The following WDPCP variants were observed in gnomAD, a reference collection of about 807,000 sequenced individuals.
WDPCP encodes the protein WD repeat containing planar cell polarity effector, also known as WD repeat-containing and planar cell polarity effector protein fritz homolog.
In WDPCP, 71 loss-of-function variants were observed where a neutral mutation model predicts 93.1. The observed-to-expected ratio is 0.76, with a 90% confidence interval of 0.63 to 0.93. WDPCP has a LOEUF of 0.93. Among genes scored for constraint, WDPCP ranks in the 40% least tolerant of loss-of-function variants. The pLI, the probability that WDPCP is intolerant of heterozygous loss-of-function variation, is 0.00. For missense variants in WDPCP, 844 were observed against 887.4 expected, an observed-to-expected ratio of 0.95 and a Z score of 0.62; for synonymous variants, 315 against 315.0, an observed-to-expected ratio of 1.00 and a Z score of 0.00.
rs1204028940 is a variant in WDPCP at position 63,289,874 on chromosome 2, T to C, written c.1812+23374A>G. Among the ~76,000 whole-genome samples the C allele has an allele frequency of 2.6e-5, 4 of 152,148 alleles. No homozygotes were observed. In the East Asian group the frequency reaches 7.7e-4, roughly 29 times the overall value. Reference sequence around the variant, plus strand: ...CTCTTATCTCTGGTGATACTTTCTTTGTTTTTGAAGTCACTTTGTCTTATA... The same window carrying C: ...CTCTTATCTCTGGTGATACTTTCTTCGTTTTTGAAGTCACTTTGTCTTATA... On this transcript the variant is annotated intron_variant, in intron 13 of 17. Transcript: ENST00000272321.
At chr2:63,512,974 T>C (rs1702332164) in intron 1 of WDPCP, among the ~76,000 whole-genome samples, 1 of 151,734 alleles carries the variant, frequency 6.6e-6, no homozygotes, top group Non-Finnish European at 1.5e-5. Context: ...AGAATAATGA[T>C]GAAAGGAAAT....
intron 2 of WDPCP, among the ~76,000 whole-genome samples, chr2:63,745,838 C>G (rs1669787867): frequency 6.6e-6 from 1 of 152,140 alleles, no homozygotes; most frequent in Non-Finnish European, 1.5e-5. Flanking sequence ...TGAAGTACTG[C>G]CAAACTGTTT....
intron 2 of WDPCP, among the ~76,000 whole-genome samples, chr2:63,676,299 A>C (rs1163081948): frequency 6.6e-6 from 1 of 152,218 alleles, no homozygotes; most frequent in Non-Finnish European, 1.5e-5. Flanking sequence ...ATCTAAGTGC[A>C]TGAGAAGTTG....
chr2:63,584,675 A>G (rs901343547), intron 1 of WDPCP, among the ~76,000 whole-genome samples: 4 of 152,162 alleles, frequency 2.6e-5, no homozygotes, highest in African/African-American at 9.7e-5. Context: ...CTTGATTTAA[A>G]TGGGTATGTA....
At chr2:63,470,306 C>T (rs904527414) in intron 6 of WDPCP, among the ~76,000 whole-genome samples, 4 of 152,208 alleles carry the variant, frequency 2.6e-5, no homozygotes, top group African/African-American at 9.6e-5. Context: ...AATCAACAAT[C>T]TATTTGACTT....
At chr2:63,760,792 A>G (rs1446605325) in intron 2 of WDPCP, among the ~76,000 whole-genome samples, 1 of 152,148 alleles carries the variant, frequency 6.6e-6, no homozygotes, top group Non-Finnish European at 1.5e-5. Context: ...CCTCTGTGTG[A>G]CAGTCCCTAA....
intron 2 of WDPCP, among the ~76,000 whole-genome samples, chr2:63,708,684 T>G (rs912179997): frequency 5.9e-5 from 9 of 152,082 alleles, no homozygotes; most frequent in Non-Finnish European, 1.0e-4. Context: ...GTACCTCAGT[T>G]GGAAATGCAG....
chr2:63,349,317 A>G (rs1558503008), intron 12 of WDPCP, among the ~76,000 whole-genome samples: 1 of 152,100 alleles, frequency 6.6e-6, no homozygotes, highest in Non-Finnish European at 1.5e-5. Context: ...TCTTAGTTTA[A>G]ATGTATAGAA....
intron 2 of WDPCP, among the ~76,000 whole-genome samples, chr2:63,805,451 G>A (rs774236760): frequency 2.0e-5 from 3 of 152,130 alleles, no homozygotes; most frequent in Non-Finnish European, 2.9e-5. Context: ...CCCCAAATCA[G>A]ACCCCAGAAC....
intron 2 of WDPCP, among the ~76,000 whole-genome samples, chr2:63,702,269 G>A (rs1023631113): frequency 1.8e-4 from 28 of 152,152 alleles, no homozygotes; most frequent in African/African-American, 3.6e-4. Context: ...CAGGTGATCC[G>A]CCTGCTTCGG....
chr2:63,227,774 G>A lies in WDPCP; in HGVS notation c.1915+31533C>T, dbSNP rs58916263. Reference sequence around the variant, plus strand: ...GCATTATGGCTTGCAAATAGCATGTGCTAATAGTAGTTATTTTTAATGAAG... The same window carrying A: ...GCATTATGGCTTGCAAATAGCATGTACTAATAGTAGTTATTTTTAATGAAG... On this transcript the variant is annotated intron_variant, in intron 14 of 17. Transcript: ENST00000272321. Among the ~76,000 whole-genome samples the A allele has an allele frequency of 8.8e-3, 1,339 of 152,166 alleles. 27 individuals are homozygous for A. The highest frequency in any genetic ancestry group is 0.03 in the African/African-American group (1,264 of 41,522).
chr2:63,521,511 C>T (rs1316123411), intron 1 of WDPCP, among the ~76,000 whole-genome samples: 2 of 152,076 alleles, frequency 1.3e-5, no homozygotes, highest in Non-Finnish European at 2.9e-5. Context: ...TACAGGAGCA[C>T]CCAGATTCAT....
intron 1 of WDPCP, among the ~76,000 whole-genome samples, chr2:63,568,364 A>C (rs78306933): frequency 2.2e-4 from 31 of 143,986 alleles, no homozygotes; most frequent in African/African-American, 7.5e-4. Context: ...ACAAAAAAAA[A>C]CCTCTCTCTC....
At chr2:63,207,208 A>G (rs1676406016) in intron 14 of WDPCP, among the ~76,000 whole-genome samples, 1 of 152,188 alleles carries the variant, frequency 6.6e-6, no homozygotes, top group Non-Finnish European at 1.5e-5. Flanking sequence ...TAGATTTCCT[A>G]GTAGTGGCTC....
chr2:63,671,854 C>G (rs886778976), intron 2 of WDPCP, among the ~76,000 whole-genome samples: 9 of 152,178 alleles, frequency 5.9e-5, no homozygotes, highest in African/African-American at 2.2e-4. Context: ...CTCAATTATA[C>G]TAACAGACCC....
the WDPCP span, among the ~76,000 whole-genome samples, chr2:63,840,512 C>A: frequency 6.6e-6 from 1 of 152,184 alleles, no homozygotes; most frequent in Non-Finnish European, 1.5e-5. Flanking sequence ...CTAAACCCTC[C>A]TTTTGTTAGC....
chr2:63,710,524 C>G lies in WDPCP; in HGVS notation n.309-59686G>C, dbSNP rs368728932. 7.9e-5 allele frequency among the ~76,000 whole-genome samples: 12 copies of G among 152,312 alleles called. No individual in the cohort carries two copies. In the East Asian group the frequency reaches 1.3e-3, roughly 17 times the overall value. On this transcript the variant is annotated intron_variant and non_coding_transcript_variant, in intron 2 of 4. Transcript: ENST00000467687. ...CTCAATTGCACACATAGAGTATGCC[C>G]TCTCTTTCCAGACCCATGCCGAACC...
At chr2:63,755,621 T>C (rs1056109921) in intron 2 of WDPCP, among the ~76,000 whole-genome samples, 18 of 152,230 alleles carry the variant, frequency 1.2e-4, no homozygotes, top group African/African-American at 2.4e-5. Context: ...TCTGATTTCA[T>C]AAAATTGTTC....
In WDPCP at chr2:63,724,852, G is replaced by C. The variant is rs995455899; in HGVS notation, n.309-74014C>G. ...AAGCCCACCTCTGCCAGCACATGTGGGCATGTGAACAACTCTTGAAAAATC... is the reference window on the plus strand; with the variant it reads ...AAGCCCACCTCTGCCAGCACATGTGCGCATGTGAACAACTCTTGAAAAATC... On this transcript the variant is annotated intron_variant and non_coding_transcript_variant, in intron 2 of 4. Transcript: ENST00000467687. Among the ~76,000 whole-genome samples the C allele has an allele frequency of 3.3e-5, 5 of 152,112 alleles. No homozygotes were observed. The South Asian group carries it at 1.0e-3, about 32-fold the overall frequency.
Sources: gnomAD v4.1 joint callset for allele counts (sites outside exome capture counted in the v4.1 genomes callset) on GRCh38, gnomAD v4.1.1 for gene constraint, MANE v1.5 for transcripts, NCBI Gene and HGNC (gene_info 2026-07-23, HGNC 2026-07-21) for gene names.